RNF115: variants seen among roughly 807,000 people sequenced by gnomAD.
RNF115 encodes E3 ubiquitin-protein ligase RNF115.
RNF115 carries 31 observed loss-of-function variants against 39.2 expected under a neutral mutation model. The ratio of observed to expected loss-of-function variants is 0.79; its 90% CI spans 0.59 to 1.07. The LOEUF (loss-of-function observed/expected upper bound fraction) is 1.07. Among genes scored for constraint, RNF115 ranks in the 50% least tolerant of loss-of-function variants. The pLI, the probability that RNF115 is intolerant of heterozygous loss-of-function variation, is 0.00. For synonymous variants in RNF115, 124 were observed against 131.0 expected, an observed-to-expected ratio of 0.95 and a Z score of 0.37; for missense variants, 384 against 381.7, an observed-to-expected ratio of 1.01 and a Z score of -0.05.
rs907020583 is a variant in RNF115 at position 145,743,220 on chromosome 1, T to C, written c.*3646A>G. The stretch of plus-strand genomic sequence containing the variant: ...CAGTCAGTAGACTGAATACAGCACA[T>C]GGCCCTCCCTAATGTAAGTGGCCCT... On this transcript the variant is annotated 3_prime_UTR_variant, in exon 9 of 9. Coordinates refer to ENST00000582693, the MANE Select transcript of RNF115 (RefSeq NM_014455.4). The C allele has an allele frequency of 2.0e-5, 3 of 152,194 alleles. No individual in the cohort carries two copies. Among genetic ancestry groups the C allele is most frequent in the Non-Finnish European group, 2.9e-5 (2 of 68,070 alleles). 9.4% of individuals were successfully genotyped at this position (152,194 alleles called of 1,614,324 possible). A position where few individuals can be genotyped will look rare whatever the true frequency, so the allele number is the denominator to read the frequency against.
intron 4 of RNF115, among the ~76,000 whole-genome samples, chr1:145,765,853 A>C (rs1305200607): frequency 6.6e-6 from 1 of 152,240 alleles, no homozygotes; most frequent in Admixed American, 6.5e-5. Flanking sequence ...TTAGTAAAAA[A>C]GTTTTACTCA....
At chr1:145,767,291 TCAGA>T (rs35746127) in intron 4 of RNF115, among the ~76,000 whole-genome samples, 68,392 of 145,528 alleles carry the variant, frequency 0.47, 16,193 homozygotes, top group East Asian at 0.69. Context: ...TTCTCACTTC[TCAGA>T]CAGGGCAGTT....
chr1:145,748,239 C>G, intron 7 of RNF115, 129 bp from the exon 8 acceptor site: 2 of 640,158 alleles, frequency 3.1e-6, no homozygotes, highest in Non-Finnish European at 5.6e-6. Context: ...AATGTACACC[C>G]AAGTAGCAGG....
At chr1:145,758,160 C>T (rs906555160) in intron 4 of RNF115, among the ~76,000 whole-genome samples, 1 of 152,168 alleles carries the variant, frequency 6.6e-6, no homozygotes, top group Admixed American at 6.5e-5. Flanking sequence ...GCAGGAATGA[C>T]AGTGTGTGAC....
rs1280938286 is a variant in RNF115 at position 145,781,628 on chromosome 1, C to T, written c.219+2911G>A. Among the ~76,000 whole-genome samples, 5 of 152,214 alleles carry T rather than the reference C, an allele frequency of 3.3e-5. No individual in the cohort carries two copies. In the South Asian group the frequency reaches 6.2e-4, roughly 19 times the overall value. On this transcript the variant is annotated intron_variant, in intron 3 of 8. Transcript: ENST00000582693. ...AGCATGTATTAACTCATTTAATCCT[C>T]GTAACATCCCTATGAGGGAAGGATG... is the stretch of plus-strand genomic sequence containing the variant.
chr1:145,799,555 C>T (rs145896736), intron 1 of RNF115, among the ~76,000 whole-genome samples: 13 of 126,152 alleles, frequency 1.0e-4, no homozygotes, highest in African/African-American at 1.5e-4. Flanking sequence ...GGAAAGCTTT[C>T]GGTCTTTCAC....
At chr1:145,781,268 A>T (rs1302744914) in intron 3 of RNF115, among the ~76,000 whole-genome samples, 1 of 152,238 alleles carries the variant, frequency 6.6e-6, no homozygotes, top group African/African-American at 2.4e-5. Context: ...TATAGAAAAT[A>T]ACCACTTCAT....
intron 1 of RNF115, among the ~76,000 whole-genome samples, chr1:145,814,620 C>A (rs1232749321): frequency 6.6e-6 from 1 of 151,086 alleles, no homozygotes; most frequent in East Asian, 1.9e-4. Context: ...TAAAGAAATA[C>A]AAAGTGTTAG....
At chr1:145,794,635 C>T (rs587758098) in intron 1 of RNF115, among the ~76,000 whole-genome samples, 4 of 149,788 alleles carry the variant, frequency 2.7e-5, no homozygotes, top group Admixed American at 6.8e-5. Flanking sequence ...GTTCTGTGTC[C>T]GGAATTTATT....
chr1:145,819,488 A>T (rs1411569541), intron 1 of RNF115, among the ~76,000 whole-genome samples: 2 of 151,974 alleles, frequency 1.3e-5, no homozygotes, highest in African/African-American at 4.8e-5. Flanking sequence ...ACCAATCAGA[A>T]AAGGCCCTGG....
chr1:145,815,129 T>C (rs1649927959), intron 1 of RNF115, among the ~76,000 whole-genome samples: 1 of 152,304 alleles, frequency 6.6e-6, no homozygotes, highest in Admixed American at 6.5e-5. Flanking sequence ...TTATGGGTGG[T>C]TTGAACATTT....
intron 1 of RNF115, among the ~76,000 whole-genome samples, chr1:145,799,292 T>C (rs1333253084): frequency 1.3e-5 from 2 of 152,132 alleles, no homozygotes; most frequent in Non-Finnish European, 2.9e-5. Context: ...GGTCTCGATC[T>C]CTTGACCTCG....
At chr1:145,772,362 T>C (rs1347131866) in intron 3 of RNF115, 1 of 164,434 alleles carries the variant, frequency 6.1e-6, no homozygotes, top group Non-Finnish European at 1.3e-5. Flanking sequence ...ATTTAATAGA[T>C]CTGTGGTGAG....
rs1553715781 is a variant in RNF115 at position 145,771,700 on chromosome 1, A to C, written c.428+11T>G. On this transcript the variant is annotated intron_variant, in intron 4 of 8. Transcript: ENST00000582693. Reference sequence around the variant, plus strand: ...ACTACCTTAAAAAGAACTTAAAATAAAACAACTCACCCTTCAATAGCTGGA... The same window carrying C: ...ACTACCTTAAAAAGAACTTAAAATACAACAACTCACCCTTCAATAGCTGGA... 1 of 1,609,616 alleles carries C rather than the reference A, an allele frequency of 6.2e-7. No homozygotes were observed. Among genetic ancestry groups the C allele is most frequent in the Non-Finnish European group, 8.5e-7 (1 of 1,177,376 alleles).
intron 3 of RNF115, among the ~76,000 whole-genome samples, chr1:145,779,181 T>A (rs1325125135): frequency 1.3e-5 from 2 of 151,792 alleles, no homozygotes; most frequent in East Asian, 3.9e-4. Flanking sequence ...CCTAATTTTT[T>A]TTTTTTTTTT....
chr1:145,793,304 G>T (rs144428509), intron 1 of RNF115, among the ~76,000 whole-genome samples: 1 of 152,176 alleles, frequency 6.6e-6, no homozygotes, highest in Non-Finnish European at 1.5e-5. Flanking sequence ...GTAACACAGC[G>T]AGACCCTGTA....
In RNF115 at chr1:145,742,057, T is replaced by A. The variant is rs1657706735; in HGVS notation, c.*4809A>T. On this transcript the variant is annotated 3_prime_UTR_variant, in exon 9 of 9. Coordinates refer to ENST00000582693, the MANE Select transcript of RNF115 (RefSeq NM_014455.4). ...CCAGGAGCGGGAGGTTGCAGTGACC[T>A]GAGATCACGCCACTGCACTCCAGCC... is the stretch of plus-strand genomic sequence containing the variant. 6.6e-6 allele frequency: 1 copy of A among 152,228 alleles called. No individual in the cohort carries two copies. The highest frequency in any genetic ancestry group is 2.4e-5 in the African/African-American group (1 of 41,428). The allele number at this position is 152,228 out of a possible 1,614,324, so 9.4% of individuals were successfully genotyped here.
At chr1:145,805,463 A>G (rs1290478285) in intron 1 of RNF115, among the ~76,000 whole-genome samples, 1 of 152,084 alleles carries the variant, frequency 6.6e-6, no homozygotes, top group African/African-American at 2.4e-5. Context: ...AAAAAAAAAA[A>G]TGAAGTTTTA....
chr1:145,805,551 T>C (rs1433643623), intron 1 of RNF115, among the ~76,000 whole-genome samples: 3 of 152,320 alleles, frequency 2.0e-5, no homozygotes, highest in Admixed American at 6.5e-5. Context: ...CTTTGCATTA[T>C]GTCCTCCATC....
Sources: gnomAD v4.1 joint callset for allele counts (sites outside exome capture counted in the v4.1 genomes callset) on GRCh38, gnomAD v4.1.1 for gene constraint, MANE v1.5 for transcripts, NCBI Gene and HGNC (gene_info 2026-07-23, HGNC 2026-07-21) for gene names.